Variants in TOX3 observed in about 807,000 individuals in gnomAD.
The protein encoded by TOX3 is TOX high mobility group box family member 3, also known as CAG trinucleotide repeat-containing gene F9 protein.
A neutral mutation model predicts 64.3 loss-of-function variants in TOX3; 22 were observed. That is an observed-to-expected ratio of 0.34 (90% CI 0.24 to 0.49). The LOEUF (loss-of-function observed/expected upper bound fraction) is 0.49, where lower values mean the gene tolerates loss of function less well. Among genes scored for constraint, TOX3 ranks in the 20% least tolerant of loss-of-function variants. The probability of loss-of-function intolerance (pLI) is 0.99; values close to 1 mark genes in which losing one functional copy is unlikely to be tolerated. For missense variants in TOX3, 661 were observed against 714.4 expected (o/e 0.93, Z 0.85); for synonymous variants, 291 against 273.6 (o/e 1.06, Z -0.63).
chr16:52,511,045 C>T (rs1414472642), intron 1 of TOX3, among the ~76,000 whole-genome samples: 1 of 152,054 alleles, frequency 6.6e-6, no homozygotes, highest in Non-Finnish European at 1.5e-5. Flanking sequence ...TTCAAGAATG[C>T]CTGGGGGTAA....
At chr16:52,497,172 C>T (rs1263634929) in intron 1 of TOX3, among the ~76,000 whole-genome samples, 2 of 152,218 alleles carry the variant, frequency 1.3e-5, no homozygotes, top group African/African-American at 4.8e-5. Context: ...ATCAGCAATA[C>T]TTCGGGATCC....
At chr16:52,479,165 G>A (rs1320806022) in intron 1 of TOX3, among the ~76,000 whole-genome samples, 1 of 152,160 alleles carries the variant, frequency 6.6e-6, no homozygotes, top group East Asian at 1.9e-4. Flanking sequence ...AGCCACTGGA[G>A]TGGGGTCTTG....
intron 1 of TOX3, among the ~76,000 whole-genome samples, chr16:52,529,177 T>C (rs1054378161): frequency 1.3e-5 from 2 of 152,254 alleles, no homozygotes; most frequent in Non-Finnish European, 2.9e-5. Flanking sequence ...TCAGAGAGTA[T>C]ACTAATTTTC....
chr16:52,500,322 A>T (rs1961968496), intron 1 of TOX3, among the ~76,000 whole-genome samples: 1 of 152,236 alleles, frequency 6.6e-6, no homozygotes, highest in South Asian at 2.1e-4. Context: ...CATGCACATC[A>T]TCTTAGCCTA....
chr16:52,467,614 G>A (rs1960906787), intron 2 of TOX3, among the ~76,000 whole-genome samples: 1 of 152,090 alleles, frequency 6.6e-6, no homozygotes, highest in Non-Finnish European at 1.5e-5. Flanking sequence ...TGAACCACAA[G>A]AGGAAATGTT....
chr16:52,534,339 A>G (rs897651564), intron 1 of TOX3, among the ~76,000 whole-genome samples: 4 of 152,166 alleles, frequency 2.6e-5, no homozygotes, highest in African/African-American at 9.7e-5. Context: ...TCAAGGTTAC[A>G]TACAAAGTCA....
At chr16:52,534,953 A>G (rs1962918821) in intron 1 of TOX3, among the ~76,000 whole-genome samples, 1 of 152,174 alleles carries the variant, frequency 6.6e-6, no homozygotes, top group Non-Finnish European at 1.5e-5. Flanking sequence ...TGGTTCTTGC[A>G]AAGAACATAA....
At chr16:52,470,988 G>T (rs1381316341) in intron 1 of TOX3, among the ~76,000 whole-genome samples, 1 of 152,142 alleles carries the variant, frequency 6.6e-6, no homozygotes, top group Admixed American at 6.5e-5. Flanking sequence ...TTTAAATATT[G>T]ACTTGTTGCA....
chr16:52,441,146 T>C (rs564880943), intron 6 of TOX3, among the ~76,000 whole-genome samples: 21 of 152,264 alleles, frequency 1.4e-4, no homozygotes, highest in African/African-American at 5.1e-4. Flanking sequence ...GCCTGGTCCA[T>C]AGGAAGCAAT....
At chr16:52,450,900 TC>T (rs1475210756) in intron 3 of TOX3, among the ~76,000 whole-genome samples, 1 of 152,124 alleles carries the variant, frequency 6.6e-6, no homozygotes, top group East Asian at 1.9e-4. Context: ...ATATAATCTT[TC>T]ATCTCTTGTT....
At chr16:52,507,234 C>A (rs1010680338) in intron 1 of TOX3, among the ~76,000 whole-genome samples, 1 of 152,144 alleles carries the variant, frequency 6.6e-6, no homozygotes, top group African/African-American at 2.4e-5. Context: ...TGTATCACAG[C>A]AAACAAGGAG....
At chr16:52,455,882 G>T (rs1455876524) in intron 3 of TOX3, among the ~76,000 whole-genome samples, 1 of 152,194 alleles carries the variant, frequency 6.6e-6, no homozygotes, top group African/African-American at 2.4e-5. Context: ...TGGCCTCATT[G>T]TGTAAGGTGG....
At chr16:52,483,956 T>G (rs1423097832) in intron 1 of TOX3, among the ~76,000 whole-genome samples, 3 of 152,210 alleles carry the variant, frequency 2.0e-5, no homozygotes, top group Non-Finnish European at 4.4e-5. Flanking sequence ...TGTGGTTAAC[T>G]GGAACTATAT....
chr16:52,451,602 C>T lies in TOX3; in HGVS notation c.409-1056G>A, dbSNP rs192048720. On this transcript the variant is annotated intron_variant, in intron 3 of 6. Coordinates refer to ENST00000219746, the MANE Select transcript of TOX3 (RefSeq NM_001080430.4). ...CCAGAATCTAATTTTATACACAAGC[C>T]TATGAATTCTTAACTGTTCCTTTTT... is the stretch of plus-strand genomic sequence containing the variant. 5.0e-3 allele frequency among the ~76,000 whole-genome samples: 765 copies of T among 152,234 alleles called. 3 individuals are homozygous for T. Among genetic ancestry groups the T allele is most frequent in the Non-Finnish European group, 7.4e-3 (501 of 68,018 alleles).
intron 1 of TOX3, among the ~76,000 whole-genome samples, chr16:52,533,809 T>G (rs1962896954): frequency 6.6e-6 from 1 of 152,150 alleles, no homozygotes; most frequent in African/African-American, 2.4e-5. Context: ...TCAGAAGACA[T>G]CTGGGCACAT....
chr16:52,439,065 TGCA>T lies in TOX3; in HGVS notation c.*157_*159del, dbSNP rs1444940057. The T allele has an allele frequency of 1.0e-6, 1 of 982,680 alleles. No homozygotes were observed. The highest frequency in any genetic ancestry group is 1.6e-6 in the Non-Finnish European group (1 of 640,476). 60.9% of individuals were successfully genotyped at this position (982,680 alleles called of 1,614,324 possible). ...GCTAAAAGATGTTACTCAGCTACAC[TGCA>T]GTTCTTATTGCCTATCTAATAGACA... On this transcript the variant is annotated 3_prime_UTR_variant, in exon 7 of 7. Coordinates refer to ENST00000219746, the MANE Select transcript of TOX3 (RefSeq NM_001080430.4).
intron 1 of TOX3, among the ~76,000 whole-genome samples, chr16:52,494,859 A>G (rs1221922798): frequency 1.3e-5 from 2 of 152,238 alleles, no homozygotes; most frequent in African/African-American, 2.4e-5. Context: ...GTGACAAACC[A>G]TCTACCTGTG....
At position 52,444,355 on chromosome 16, in the gene TOX3, A is replaced by C; in HGVS notation, c.908T>G (p.Val303Gly). 6.4e-7 allele frequency: 1 copy of C among 1,567,278 alleles called. No homozygotes were observed. The highest frequency in any genetic ancestry group is 8.7e-7 in the Non-Finnish European group (1 of 1,152,468). ...WDSLGEEQKQ[V>G]YKRKTEAAKK... ...GGCAGCTTCTGTTTTCCTTTTATAT[A>C]CCTATTAAAAGACCACAATTAGCAC... is the stretch of plus-strand genomic sequence containing the variant. Residue 303 changes from valine to glycine, a missense_variant and splice_region_variant, in exon 6 of 7, where the codon GTA becomes GGA. Physicochemically the swap from Val to Gly is moderately radical, Grantham distance 109. This residue lies in a region of TOX3 where 103 missense variants were observed against 161.2 expected (regional missense o/e 0.64). Transcript: ENST00000219746.
intron 3 of TOX3, among the ~76,000 whole-genome samples, chr16:52,458,786 T>C (rs565258052): frequency 3.3e-5 from 5 of 152,228 alleles, no homozygotes; most frequent in African/African-American, 1.2e-4. Flanking sequence ...TTAAGCTCAG[T>C]GTGGTACAAG....
Sources: allele counts gnomAD v4.1 joint callset (sites outside exome capture counted in the v4.1 genomes callset), GRCh38; gene constraint gnomAD v4.1.1; regional missense constraint gnomAD v4.1.1; transcripts MANE v1.5; gene names NCBI Gene and HGNC (gene_info 2026-07-23, HGNC 2026-07-21).